MYO1F: variants seen among roughly 807,000 people sequenced by gnomAD.
The protein encoded by MYO1F is myosin IF.
Under a neutral mutation model 146.6 loss-of-function variants are expected in MYO1F, and 60 were observed. The observed-to-expected ratio is 0.41, with a 90% CI of 0.33 to 0.51. MYO1F has a LOEUF of 0.51. Ranked by LOEUF, MYO1F falls within the 20% of genes least tolerant of loss-of-function variation. The pLI, the probability that MYO1F is intolerant of heterozygous loss-of-function variation, is 0.25. For missense variants in MYO1F, 1,274 were observed against 1,534.3 expected, an observed-to-expected ratio of 0.83 and a Z score of 2.83; for synonymous variants, 602 against 602.1, an observed-to-expected ratio of 1.00 and a Z score of 0.00.
intron 12 of MYO1F, among the ~76,000 whole-genome samples, chr19:8,547,040 GTA>G (rs1311747218): frequency 6.6e-6 from 1 of 152,096 alleles, no homozygotes; most frequent in African/African-American, 2.4e-5. Flanking sequence ...ACTCATGCCT[GTA>G]GTCCCAGCAC....
chr19:8,526,889 T>C lies in MYO1F; in HGVS notation c.2521A>G (p.Ser841Gly). ...GTCTTGAAGACGCTCTCCAGGAAGC[T>C]GTCGGCGGCATCCTCTTGGAGGATG... is the stretch of plus-strand genomic sequence containing the variant. The part of the protein sequence containing the change: ...FFILQEDAAD[S>G]FLESVFKTEF... The change falls in exon 23 of 28, where the codon AGC (serine) becomes GGC (glycine). Residue 841 changes from serine (S) to glycine (G), a missense_variant. Physicochemically the swap from Ser to Gly is moderately conservative, Grantham distance 56. Coordinates refer to ENST00000644032, the MANE Select transcript of MYO1F (RefSeq NM_012335.4). The C allele has an allele frequency of 6.2e-7, 1 of 1,613,968 alleles. No individual in the cohort carries two copies. The highest frequency in any genetic ancestry group is 8.5e-7 in the Non-Finnish European group (1 of 1,179,996).
intron 19 of MYO1F, among the ~76,000 whole-genome samples, chr19:8,531,375 G>T (rs1972480634): frequency 6.6e-6 from 1 of 152,130 alleles, no homozygotes; most frequent in Admixed American, 6.5e-5. Context: ...AAAAGACAGG[G>T]TCTCGCTCCG....
chr19:8,522,739 C>G lies in MYO1F; in HGVS notation c.2945G>C (p.Arg982Pro), dbSNP rs780576676. ...MSGGGTHRPP[R>P]GPPSTSLGAS... ...TCCCAGGGATGTGGACGGAGGGCCC[C>G]GGGGAGGCCTGTGGGTGCCCCCTCC... is the stretch of plus-strand genomic sequence containing the variant. The change falls in exon 26 of 28, where the codon CGG (arginine) becomes CCG (proline). Residue 982 changes from arginine (R) to proline (P), a missense_variant. By Grantham distance (103) the Arg-to-Pro change is moderately radical (BLOSUM62 -2). Transcript: ENST00000644032. 6.2e-7 allele frequency: 1 copy of G among 1,612,508 alleles called. No homozygotes were observed. The highest frequency in any genetic ancestry group is 8.5e-7 in the Non-Finnish European group (1 of 1,179,714).
intron 1 of MYO1F, among the ~76,000 whole-genome samples, chr19:8,575,594 G>A (rs1300221925): frequency 2.6e-5 from 4 of 152,068 alleles, no homozygotes; most frequent in Non-Finnish European, 5.9e-5. Flanking sequence ...CCATGACCCC[G>A]GGGGTTGGGG....
At chr19:8,522,190 T>G (rs1350972754) in intron 27 of MYO1F, among the ~76,000 whole-genome samples, 187 bp downstream of exon 27, 2 of 152,166 alleles carry the variant, frequency 1.3e-5, no homozygotes, top group African/African-American at 4.8e-5. Context: ...GCCCGGCTAA[T>G]TTTTTGTATT....
chr19:8,548,550 C>T (rs116704366), intron 10 of MYO1F, among the ~76,000 whole-genome samples: 1,963 of 152,132 alleles, frequency 0.013, 49 homozygotes, highest in African/African-American at 0.045. Flanking sequence ...TCCCTGACTC[C>T]AGAGCTGACT....
intron 14 of MYO1F, 102 bp from the exon 15 acceptor site, chr19:8,542,093 CTGCTGTGGGGT>C: frequency 1.1e-6 from 1 of 871,818 alleles, no homozygotes; most frequent in Non-Finnish European, 1.9e-6. Context: ...TTCCTGGGGC[CTGCTGTGGGGT>C]GAGAGGATCA....
intron 14 of MYO1F, 59 bp downstream of exon 14, chr19:8,544,238 G>T: frequency 6.3e-7 from 1 of 1,591,314 alleles, no homozygotes; most frequent in South Asian, 1.1e-5. Context: ...GGGGGCTACA[G>T]CCTGGAGCCC....
At chr19:8,523,890 G>A (rs974064968) in intron 25 of MYO1F, among the ~76,000 whole-genome samples, 4 of 151,940 alleles carry the variant, frequency 2.6e-5, no homozygotes, top group Non-Finnish European at 4.4e-5. Flanking sequence ...GGAGGCTAAG[G>A]TGGGCTGATC....
chr19:8,567,008 C>T lies in MYO1F; in HGVS notation c.3+10299G>A, dbSNP rs2042016577. ...AAGCTTTTTATGTGAATTACTTCAT[C>T]TTATCCTTTCAACACACGCTGGCTG... On this transcript the variant is annotated intron_variant, in intron 1 of 27. Transcript: ENST00000644032. 2.0e-5 allele frequency among the ~76,000 whole-genome samples: 3 copies of T among 150,822 alleles called. No individual in the cohort carries two copies. The South Asian group carries it at 6.2e-4, about 31-fold the overall frequency.
chr19:8,532,907 C>T (rs1027089099), intron 19 of MYO1F, among the ~76,000 whole-genome samples: 935 of 49,258 alleles, frequency 0.019, 20 homozygotes, highest in African/African-American at 0.097. Context: ...AAAAAATACA[C>T]ACACACACAC....
chr19:8,537,036 A>C lies in MYO1F; in HGVS notation c.1712T>G (p.Val571Gly). 1 of 1,610,866 alleles carries C rather than the reference A, an allele frequency of 6.2e-7. No homozygotes were observed. The highest frequency in any genetic ancestry group is 8.5e-7 in the Non-Finnish European group (1 of 1,178,860). Residue 571 changes from valine to glycine, a missense_variant, in exon 17 of 28, where the codon GTG (valine) becomes GGG (glycine). Transcript: ENST00000644032. ...GGGTGTGCACCTCATCAGTGTGGCC[A>C]CCAGGTCGTTGGCTTGTTTCTGAGG... Reference protein sequence around the residue: ...SKIKKQANDLVATLMRCTPHY... With the variant: ...SKIKKQANDLGATLMRCTPHY...
rs764993365 is a variant in MYO1F at position 8,526,477 on chromosome 19, C to T, written c.2746G>A (p.Gly916Ser). ...VGGRTLTVSV[G>S]DGLPKSSKPT... Reference sequence around the variant, plus strand: ...CTGGAGCTCTTGGGCAGCCCATCGCCCACGCTGACCGTGAGGGTCCGACCG... The same window carrying T: ...CTGGAGCTCTTGGGCAGCCCATCGCTCACGCTGACCGTGAGGGTCCGACCG... The change falls in exon 24 of 28, where the codon GGC (glycine) becomes AGC (serine). Residue 916 changes from glycine to serine, a missense_variant. Physicochemically the swap from Gly to Ser is moderately conservative, Grantham distance 56. Transcript: ENST00000644032. The T allele has an allele frequency of 1.2e-5, 19 of 1,563,300 alleles. No individual in the cohort carries two copies. Among genetic ancestry groups the T allele is most frequent in the Non-Finnish European group, 1.7e-6 (2 of 1,153,896 alleles).
chr19:8,525,665 A>T, intron 24 of MYO1F, 103 bp from the exon 25 acceptor site: 1 of 958,330 alleles, frequency 1.0e-6, no homozygotes, highest in Non-Finnish European at 1.6e-6. Context: ...CCGCCCCCTC[A>T]GGCTCTCCCA....
Position 8,553,373 on chromosome 19 carries a change from A to G in MYO1F, c.391T>C (p.Ser131Pro). The G allele has an allele frequency of 6.2e-7, 1 of 1,614,068 alleles. No homozygotes were observed. Among genetic ancestry groups the G allele is most frequent in the African/African-American group, 1.3e-5 (1 of 75,014 alleles). Residue 131 changes from serine to proline, a missense_variant, in exon 5 of 28, where the codon TCT becomes CCT. Around this residue, in one of 2 missense-constraint regions of MYO1F, gnomAD observed 900 missense variants for 1,155.1 expected, o/e 0.78. Coordinates refer to ENST00000644032, the MANE Select transcript of MYO1F (RefSeq NM_012335.4). ...ACCTGGACCTTCTCGCCTCCGCCAG[A>G]CACCTTGGAGATGTAGCCCATGATA... is the stretch of plus-strand genomic sequence containing the variant. The part of the protein sequence containing the change: ...KYIMGYISKV[S>P]GGGEKVQHVK...
chr19:8,574,907 C>A (rs1555733414), intron 1 of MYO1F, among the ~76,000 whole-genome samples: 3 of 150,628 alleles, frequency 2.0e-5, no homozygotes, highest in East Asian at 1.9e-4. Context: ...AGGCGCGCAC[C>A]ACCACGACTG....
rs115675479 is a variant in MYO1F at position 8,541,797 on chromosome 19, C to T, written c.1610+109G>A. The T allele has an allele frequency of 0.013, 13,441 of 1,013,704 alleles. 203 individuals carry two copies. The highest frequency in any genetic ancestry group is 0.063 in the African/African-American group (4,027 of 63,502). 62.8% of individuals were successfully genotyped at this position (1,013,704 alleles called of 1,614,324 possible). A position where few individuals can be genotyped will look rare whatever the true frequency, so the allele number is the denominator to read the frequency against. ...ATCCTGGCCGCACAGCCACTCCCCT[C>T]GAGTTTGTGGCGAGATGGCAGTTCT... On this transcript the variant is annotated intron_variant, in intron 15 of 27. Transcript: ENST00000644032.
chr19:8,532,296 G>C (rs111676269), intron 19 of MYO1F, among the ~76,000 whole-genome samples: 2,759 of 152,210 alleles, frequency 0.018, 34 homozygotes, highest in African/African-American at 0.037. Context: ...CAGAGAAAAG[G>C]GTTTTGAGTT....
intron 8 of MYO1F, 122 bp downstream of exon 8, chr19:8,551,618 C>G: frequency 6.9e-7 from 1 of 1,459,094 alleles, no homozygotes; most frequent in Non-Finnish European, 9.6e-7. Context: ...TCCCAAAGTG[C>G]TGGGATTACA....
Sources: allele counts gnomAD v4.1 joint callset (sites outside exome capture counted in the v4.1 genomes callset), GRCh38; gene constraint gnomAD v4.1.1; regional missense constraint gnomAD v4.1.1; transcripts MANE v1.5; gene names NCBI Gene and HGNC (gene_info 2026-07-23, HGNC 2026-07-21).